C5: variants seen among roughly 807,000 people sequenced by gnomAD.
C5 encodes C3 and PZP-like alpha-2-macroglobulin domain-containing protein 4.
In C5, 140 loss-of-function variants were observed where a neutral mutation model predicts 218.8. The ratio of observed to expected loss-of-function variants is 0.64; its 90% CI spans 0.56 to 0.74. The LOEUF is 0.74. Ranked by LOEUF, C5 falls within the 30% of genes least tolerant of loss-of-function variation. The pLI, the probability that C5 is intolerant of heterozygous loss-of-function variation, is 0.00. For synonymous variants in C5, 614 were observed against 682.3 expected (o/e 0.90, Z 1.56); for missense variants, 1,700 against 1,969.6 (o/e 0.86, Z 2.59).
chr9:121,005,539 A>G, intron 20 of C5, among the ~76,000 whole-genome samples: 1 of 152,222 alleles, frequency 6.6e-6, no homozygotes. Context: ...GATAAGATCT[A>G]TAAAGTGAAG....
At chr9:121,072,095 C>A in the C5 span, among the ~76,000 whole-genome samples, 1 of 152,092 alleles carries the variant, frequency 6.6e-6, no homozygotes, top group Non-Finnish European at 1.5e-5. Flanking sequence ...CCTTTGAAGT[C>A]TCTAGCTTCG....
intron 23 of C5, 41 bp downstream of exon 23, chr9:120,991,150 C>A: frequency 1.7e-6 from 2 of 1,149,602 alleles, no homozygotes; most frequent in South Asian, 1.2e-5. Flanking sequence ...GTTTGAAGCA[C>A]CAAGTGAAAT....
chr9:121,060,309 G>A, the C5 span, among the ~76,000 whole-genome samples: 1 of 152,336 alleles, frequency 6.6e-6, no homozygotes, highest in East Asian at 1.9e-4. Context: ...AGGTGCGACA[G>A]CTTTTCATGG....
At chr9:121,002,280 A>ATATGTGTGTGTGTGTGTG (rs1564146611) in intron 20 of C5, among the ~76,000 whole-genome samples, 9 of 116,304 alleles carry the variant, frequency 7.7e-5, no homozygotes, top group Admixed American at 1.8e-4. Context: ...ATGTATATAT[A>ATATGTGTGTGTGTGTGTG]CGTATATATG....
chr9:120,954,299 T>C (rs2046769432), intron 39 of C5, among the ~76,000 whole-genome samples: 1 of 152,344 alleles, frequency 6.6e-6, no homozygotes, highest in South Asian at 2.1e-4. Flanking sequence ...CCACATTATA[T>C]AGTAAAATAT....
At position 121,017,437 on chromosome 9, in the gene C5, A is replaced by G; in HGVS notation, c.1791T>C (p.Asp597=). Reference sequence around the variant, plus strand: ...CCACTGCTGCTAATGCCACCCAGGAATCCATTCCAGTTGCCATATTAAGAG... The same window carrying G: ...CCACTGCTGCTAATGCCACCCAGGAGTCCATTCCAGTTGCCATATTAAGAG... The part of the protein sequence containing the change: ...TVSLNMATGM[D]SWVALAAVDS... The change falls in exon 14 of 41, where the codon GAT becomes GAC. Residue 597 remains aspartate (D), a synonymous_variant. Transcript: ENST00000223642. 6.2e-7 allele frequency: 1 copy of G among 1,614,046 alleles called. No homozygotes were observed. The highest frequency in any genetic ancestry group is 8.5e-7 in the Non-Finnish European group (1 of 1,179,976).
intron 9 of C5, among the ~76,000 whole-genome samples, chr9:121,024,539 A>G (rs2047402943): frequency 6.6e-6 from 1 of 152,098 alleles, no homozygotes; most frequent in Admixed American, 6.5e-5. Context: ...TATTTTAGCC[A>G]AACTGGATGA....
intron 20 of C5, among the ~76,000 whole-genome samples, chr9:121,001,681 T>C (rs776285070): frequency 2.0e-5 from 3 of 152,194 alleles, no homozygotes; most frequent in Non-Finnish European, 2.9e-5. Flanking sequence ...GTGTTCATTG[T>C]ATGAATAAAA....
rs758190802 is a variant in C5, at chr9:120,976,702, G to A, written c.3862C>T (p.Gln1288Ter). Reference sequence around the variant, plus strand: ...GAAACAAGACAAAGAAATGTTACCTGGGTTGAATAAAAGCCACCTCCATAC... The same window carrying A: ...GAAACAAGACAAAGAAATGTTACCTAGGTTGAATAAAAGCCACCTCCATAC... The part of the protein sequence containing the change: ...QRYGGGFYST[Q>*]DTINAIEGLT... Residue 1288 changes from glutamine to a stop codon, truncating the protein, a stop_gained and splice_region_variant, in exon 29 of 41, where the codon CAG (glutamine) becomes TAG (stop). Coordinates refer to ENST00000223642, the MANE Select transcript of C5 (RefSeq NM_001735.3). LOFTEE classifies it high-confidence loss of function. 2 of 1,612,226 alleles carry A rather than the reference G, an allele frequency of 1.2e-6. No individual in the cohort carries two copies. Among genetic ancestry groups the A allele is most frequent in the Non-Finnish European group, 1.7e-6 (2 of 1,178,276 alleles).
intron 10 of C5, among the ~76,000 whole-genome samples, chr9:121,021,974 C>T (rs1466779113): frequency 6.6e-6 from 1 of 152,138 alleles, no homozygotes; most frequent in African/African-American, 2.4e-5. Context: ...AGGCATGCTC[C>T]ACCACACCTG....
intron 27 of C5, among the ~76,000 whole-genome samples, chr9:120,980,720 A>T (rs2046986489): frequency 6.6e-6 from 1 of 151,418 alleles, no homozygotes; most frequent in Non-Finnish European, 1.5e-5. Flanking sequence ...CCTCCGGAGT[A>T]GCTGGGACTA....
chr9:121,013,748 A>G, intron 17 of C5, 125 bp downstream of exon 17: 2 of 910,248 alleles, frequency 2.2e-6, no homozygotes, highest in Non-Finnish European at 3.4e-6. Context: ...TCTTATGGAC[A>G]TTTACAAGTT....
chr9:120,989,485 T>C, intron 24 of C5, 83 bp downstream of exon 24: 1 of 911,750 alleles, frequency 1.1e-6, no homozygotes, highest in Non-Finnish European at 1.7e-6. Flanking sequence ...AAGTTTTCTA[T>C]AATTCACAAC....
At chr9:121,051,986 T>C (rs970383051), upstream of C5, among the ~76,000 whole-genome samples, 80 of 152,364 alleles carry the variant, frequency 5.3e-4, no homozygotes, top group African/African-American at 1.9e-3. Context: ...TTGCTTGAGC[T>C]ATAGAGTAAA....
intron 20 of C5, chr9:120,999,740 G>A: frequency 4.3e-6 from 1 of 232,750 alleles, no homozygotes; most frequent in Non-Finnish European, 8.7e-6. Context: ...AAAGAAATAG[G>A]AAAGTGTAAC....
the C5 span, among the ~76,000 whole-genome samples, chr9:121,060,937 CA>C: frequency 6.6e-6 from 1 of 152,150 alleles, no homozygotes; most frequent in African/African-American, 2.4e-5. Context: ...CCTGTAATCC[CA>C]GCACTTTGGG....
chr9:121,047,705 A>T (rs1326958507), intron 1 of C5, among the ~76,000 whole-genome samples: 1 of 152,212 alleles, frequency 6.6e-6, no homozygotes, highest in Non-Finnish European at 1.5e-5. Flanking sequence ...CCTTTAAAGC[A>T]TCTGACAGTT....
intron 38 of C5, among the ~76,000 whole-genome samples, chr9:120,958,597 TCA>T (rs2046803696): frequency 2.6e-5 from 4 of 151,788 alleles, no homozygotes; most frequent in Admixed American, 2.6e-4. Flanking sequence ...CAATATAAAT[TCA>T]AAGAAAGAAA....
intron 8 of C5, 56 bp from the exon 9 acceptor site, chr9:121,025,636 A>G: frequency 6.4e-7 from 1 of 1,554,000 alleles, no homozygotes; most frequent in Non-Finnish European, 8.8e-7. Context: ...ATAAGGAAAA[A>G]TTAATAAAAT....
Sources: gnomAD v4.1 joint callset for allele counts (sites outside exome capture counted in the v4.1 genomes callset) on GRCh38, gnomAD v4.1.1 for gene constraint, MANE v1.5 for transcripts, NCBI Gene and HGNC (gene_info 2026-07-23, HGNC 2026-07-21) for gene names.